The following CDC42BPA variants were observed in gnomAD, a reference collection of about 807,000 sequenced individuals.
CDC42BPA encodes CDC42 binding protein kinase alpha, also known as serine/threonine-protein kinase MRCK alpha.
CDC42BPA carries 80 observed loss-of-function variants against 223.5 expected under a neutral mutation model. That is an observed-to-expected ratio of 0.36 (90% CI 0.30 to 0.43). The LOEUF (loss-of-function observed/expected upper bound fraction) is 0.43, where lower values mean the gene tolerates loss of function less well. CDC42BPA is among the 20% of genes least tolerant of loss of function. The pLI is 1.00. For missense variants in CDC42BPA, 1,743 were observed against 2,099.9 expected, an observed-to-expected ratio of 0.83 and a Z score of 3.32; for synonymous variants, 694 against 718.6, an observed-to-expected ratio of 0.97 and a Z score of 0.55.
chr1:227,045,490 C>CA (rs1169459187), intron 23 of CDC42BPA, among the ~76,000 whole-genome samples: 1 of 152,152 alleles, frequency 6.6e-6, no homozygotes, highest in East Asian at 1.9e-4. Flanking sequence ...TGGAACTGTG[C>CA]AATCTGGAAA....
At chr1:227,048,832 C>T (rs1433075073) in intron 22 of CDC42BPA, among the ~76,000 whole-genome samples, 2 of 149,972 alleles carry the variant, frequency 1.3e-5, no homozygotes, top group Admixed American at 6.7e-5. Flanking sequence ...AAACGCTAGT[C>T]TTTGTATAAA....
At chr1:227,279,836 C>G (rs113638417) in intron 1 of CDC42BPA, among the ~76,000 whole-genome samples, 23,971 of 152,078 alleles carry the variant, frequency 0.16, 2,184 homozygotes, top group East Asian at 0.37. Context: ...GTGGGCAGAT[C>G]ACTTGAGGTT....
rs16846811 is a variant in CDC42BPA, at chr1:227,007,858, G to C, written c.4858-2747C>G. Among the ~76,000 whole-genome samples the C allele has an allele frequency of 2.6e-3, 390 of 152,254 alleles. 9 individuals are homozygous for C. The East Asian group carries it at 0.047, about 18-fold the overall frequency. ...TTTTACAAGTTTCAGCAAGAGAAAA[G>C]GCCTAAATGCTTAAACTACATTTTA... On this transcript the variant is annotated intron_variant, in intron 34 of 36. Coordinates refer to ENST00000366766, the MANE Select transcript of CDC42BPA (RefSeq NM_001394014.1).
chr1:226,997,471 T>C (rs1661878262), intron 35 of CDC42BPA, among the ~76,000 whole-genome samples: 1 of 152,176 alleles, frequency 6.6e-6, no homozygotes, highest in African/African-American at 2.4e-5. Flanking sequence ...CTGATCTTAG[T>C]TATTTCTTGT....
intron 17 of CDC42BPA, among the ~76,000 whole-genome samples, chr1:227,076,592 T>G (rs766498199): frequency 1.5e-4 from 23 of 152,224 alleles, no homozygotes; most frequent in Non-Finnish European, 3.4e-4. Context: ...TGTAGGCCAT[T>G]TGGTTAAGTT....
chr1:227,251,421 A>G (rs112737524), intron 2 of CDC42BPA, among the ~76,000 whole-genome samples: 1 of 152,184 alleles, frequency 6.6e-6, no homozygotes, highest in Non-Finnish European at 1.5e-5. Flanking sequence ...CAAAACAAAT[A>G]TAAAACAAGT....
chr1:227,100,902 GAT>G, intron 15 of CDC42BPA, 88 bp downstream of exon 15: 1 of 843,472 alleles, frequency 1.2e-6, no homozygotes, highest in Non-Finnish European at 1.8e-6. Context: ...TTAGGTCTAG[GAT>G]ATGTTTATTG....
intron 5 of CDC42BPA, among the ~76,000 whole-genome samples, chr1:227,181,627 T>C (rs1043746681): frequency 1.2e-4 from 19 of 152,208 alleles, no homozygotes; most frequent in Non-Finnish European, 1.0e-4. Context: ...CTCTCTATTA[T>C]AACAGTTAAT....
At position 226,991,266 on chromosome 1, in the gene CDC42BPA, G is replaced by A. The variant is rs1465551428; in HGVS notation, c.*3002C>T. The A allele has an allele frequency of 6.6e-6, 1 of 152,424 alleles. No individual in the cohort carries two copies. The highest frequency in any genetic ancestry group is 1.5e-5 in the Non-Finnish European group (1 of 68,010). The allele number at this position is 152,424 out of a possible 1,614,324, so 9.4% of individuals were successfully genotyped here. ...GAAACAGGTTTCTGCTGCCATATAC[G>A]TTTTTAAAATGTCCTGCATGAAAAC... is the stretch of plus-strand genomic sequence containing the variant. On this transcript the variant is annotated 3_prime_UTR_variant, in exon 37 of 37. Transcript: ENST00000366766.
intron 3 of CDC42BPA, among the ~76,000 whole-genome samples, chr1:227,202,456 C>A (rs1040491768): frequency 6.6e-6 from 1 of 152,064 alleles, no homozygotes; most frequent in Admixed American, 6.6e-5. Context: ...ACTATAATAG[C>A]AATCCGAAAT....
chr1:227,018,761 C>A (rs148691100), intron 32 of CDC42BPA, among the ~76,000 whole-genome samples: 2 of 152,108 alleles, frequency 1.3e-5, no homozygotes, highest in African/African-American at 4.8e-5. Context: ...TTTTGGTCTT[C>A]CAGTGCATAT....
chr1:227,317,291 T>A lies in CDC42BPA; in HGVS notation c.-109A>T. ...GTTTTAAAAATAAACCACTTGTTATTCAAACAACTGTCATGCAATGCTGGT... is the reference window on the plus strand; with the variant it reads ...GTTTTAAAAATAAACCACTTGTTATACAAACAACTGTCATGCAATGCTGGT... On this transcript the variant is annotated 5_prime_UTR_variant, in exon 1 of 37. The change abolishes the stop of an existing upstream ORF in the 5' untranslated region. Transcript: ENST00000366766. 3 of 1,166,358 alleles carry A rather than the reference T, an allele frequency of 2.6e-6. No individual in the cohort carries two copies. The East Asian group carries it at 7.3e-5, about 28-fold the overall frequency. 72.3% of individuals were successfully genotyped at this position (1,166,358 alleles called of 1,614,324 possible).
chr1:227,112,005 G>C (rs1229499709), intron 14 of CDC42BPA: 1 of 208,254 alleles, frequency 4.8e-6, no homozygotes, highest in African/African-American at 2.3e-5. Flanking sequence ...GAGATATATA[G>C]AGGGTCTGGA....
chr1:227,136,694 G>A (rs1356812261), intron 10 of CDC42BPA, among the ~76,000 whole-genome samples: 1 of 152,196 alleles, frequency 6.6e-6, no homozygotes, highest in African/African-American at 2.4e-5. Context: ...TTAACAGCTG[G>A]CTTCTCAAGA....
chr1:227,235,480 CTTT>C (rs1678843081), intron 2 of CDC42BPA: 1 of 152,074 alleles, frequency 6.6e-6, no homozygotes, highest in African/African-American at 2.4e-5. Context: ...TCCTTTTATT[CTTT>C]TAGTTCAGAT....
intron 5 of CDC42BPA, among the ~76,000 whole-genome samples, chr1:227,176,973 CT>C (rs202041864): frequency 3.3e-4 from 49 of 146,938 alleles, no homozygotes; most frequent in Non-Finnish European, 3.0e-4. Flanking sequence ...ATGCCCCCTA[CT>C]TTTTTTTTTA....
chr1:227,204,779 A>G (rs1208270630), intron 3 of CDC42BPA, among the ~76,000 whole-genome samples: 1 of 152,172 alleles, frequency 6.6e-6, no homozygotes, highest in Non-Finnish European at 1.5e-5. Flanking sequence ...AGATAGATAA[A>G]TGGTAAAATA....
At chr1:227,179,945 C>T (rs1055415089) in intron 5 of CDC42BPA, among the ~76,000 whole-genome samples, 11 of 152,072 alleles carry the variant, frequency 7.2e-5, no homozygotes, top group Non-Finnish European at 5.9e-5. Flanking sequence ...CGGAGGTTCA[C>T]GCCTGTAATC....
At chr1:227,160,775 A>G (rs761666683) in intron 5 of CDC42BPA, 139 bp from the exon 6 acceptor site, 8 of 552,164 alleles carry the variant, frequency 1.4e-5, no homozygotes, top group Non-Finnish European at 2.2e-5. Context: ...TACTTTATTA[A>G]TTCAAATCCT....
Sources: gnomAD v4.1 joint callset for allele counts (sites outside exome capture counted in the v4.1 genomes callset) on GRCh38, gnomAD v4.1.1 for gene constraint, MANE v1.5 for transcripts, NCBI Gene and HGNC (gene_info 2026-07-23, HGNC 2026-07-21) for gene names.